MYH14: variants seen among roughly 807,000 people sequenced by gnomAD.
MYH14 encodes the protein myosin heavy chain 14.
MYH14 carries 123 observed loss-of-function variants against 255.5 expected under a neutral mutation model. That is an observed-to-expected ratio of 0.48 (90% CI 0.42 to 0.56). The LOEUF (loss-of-function observed/expected upper bound fraction) is 0.56, where lower values mean the gene tolerates loss of function less well. Ranked by LOEUF, MYH14 falls within the 20% of genes least tolerant of loss-of-function variation. MYH14 has a pLI of 0.00. For synonymous variants in MYH14, 1,095 were observed against 1,161.2 expected (o/e 0.94, Z 1.16); for missense variants, 2,423 against 2,802.3 (o/e 0.86, Z 3.06).
At chr19:50,249,942 G>A (rs2034300478) in intron 14 of MYH14, 119 bp downstream of exon 14, 1 of 1,295,590 alleles carries the variant, frequency 7.7e-7, no homozygotes, top group Admixed American at 2.1e-5. Flanking sequence ...TGGGTTCTGT[G>A]GGGAAGGTGA....
In MYH14 at chr19:50,263,358, C is replaced by A. The variant is rs2034958834; in HGVS notation, c.2632C>A (p.Gln878Lys). 6.3e-7 allele frequency: 1 copy of A among 1,598,832 alleles called. No individual in the cohort carries two copies. Among genetic ancestry groups the A allele is most frequent in the East Asian group, 2.3e-5 (1 of 44,116 alleles). Reference sequence around the variant, plus strand: ...GCAGCAGAGCGCCCTGAGGGTGATGCAGCGGAACTGCGCGGCCTACCTCAA... The same window carrying A: ...GCAGCAGAGCGCCCTGAGGGTGATGAAGCGGAACTGCGCGGCCTACCTCAA... Reference protein sequence around the residue: ...QQQQSALRVMQRNCAAYLKLR... With the variant: ...QQQQSALRVMKRNCAAYLKLR... Residue 878 changes from glutamine to lysine, a missense_variant, in exon 22 of 43, where the codon CAG becomes AAG. This residue lies in a region of MYH14 where 1,513 missense variants were observed against 1,674.8 expected (regional missense o/e 0.90). Transcript: ENST00000642316.
intron 33 of MYH14, among the ~76,000 whole-genome samples, chr19:50,282,078 T>C (rs2035744657): frequency 6.6e-6 from 1 of 152,222 alleles, no homozygotes; most frequent in African/African-American, 2.4e-5. Context: ...CTTTCAGAGC[T>C]GCCCTGGTTT....
intron 12 of MYH14, among the ~76,000 whole-genome samples, chr19:50,248,072 A>G (rs1363161548): frequency 1.3e-5 from 2 of 151,646 alleles, no homozygotes; most frequent in South Asian, 2.1e-4. Context: ...AAAAAAAAAA[A>G]AAAAGAAAAG....
chr19:50,240,496 C>T (rs1250593819), intron 10 of MYH14, among the ~76,000 whole-genome samples: 1 of 152,118 alleles, frequency 6.6e-6, no homozygotes, highest in Non-Finnish European at 1.5e-5. Context: ...GAGAGGATCG[C>T]TTGAGCCCAG....
chr19:50,268,983 T>G (rs1257871014), intron 24 of MYH14, among the ~76,000 whole-genome samples: 1 of 152,210 alleles, frequency 6.6e-6, no homozygotes. Context: ...AAATACTTGA[T>G]CTGTATTTCT....
At chr19:50,242,098 G>C (rs1172270745) in intron 10 of MYH14, among the ~76,000 whole-genome samples, 1 of 152,208 alleles carries the variant, frequency 6.6e-6, no homozygotes, top group African/African-American at 2.4e-5. Context: ...AGCCATGTGG[G>C]CTGTAGAAAC....
intron 27 of MYH14, 75 bp from the exon 28 acceptor site, chr19:50,275,916 C>A: frequency 8.3e-7 from 1 of 1,198,624 alleles, no homozygotes; most frequent in Non-Finnish European, 1.2e-6. Context: ...CCACATCCAG[C>A]CTCTCAGTCC....
In MYH14 at chr19:50,309,729, C is replaced by A; in HGVS notation, c.6050C>A (p.Ala2017Glu). Residue 2017 changes from alanine (A) to glutamate (E), a missense_variant, in exon 43 of 43, where the codon GCA (alanine) becomes GAA (glutamate). Transcript: ENST00000642316. ...GCATCCGACGAGGAGGCAGAGGAAG[C>A]ACAGCCTGGGTCTGGGCCATCCCCG... The part of the protein sequence containing the change: ...GVASDEEAEE[A>E]QPGSGPSPEP... 1 of 1,600,128 alleles carries A rather than the reference C, an allele frequency of 6.2e-7. No individual in the cohort carries two copies. The highest frequency in any genetic ancestry group is 2.3e-5 in the East Asian group (1 of 44,070).
In MYH14 at chr19:50,250,454, GC is replaced by G; in HGVS notation, c.1657-59del. 6.5e-7 allele frequency: 1 copy of G among 1,531,284 alleles called. No homozygotes were observed. The highest frequency in any genetic ancestry group is 1.2e-5 in the South Asian group (1 of 85,076). 94.9% of individuals were successfully genotyped at this position (1,531,284 alleles called of 1,614,324 possible). A position where few individuals can be genotyped will look rare whatever the true frequency, so the allele number is the denominator to read the frequency against. The stretch of plus-strand genomic sequence containing the variant: ...GACTTATAAGAGCTAAAAATCAGCA[GC>G]CACCTGAGTGTCCAATATGTGGGGA... On this transcript the variant is annotated intron_variant, in intron 14 of 42. Transcript: ENST00000642316. The surrounding 1 kb of genome is among the most constrained non-coding windows in gnomAD (Gnocchi z 5.4).
chr19:50,249,038 C>T lies in MYH14; in HGVS notation c.1381C>T (p.Arg461Cys), dbSNP rs752732851. 3.4e-5 allele frequency: 55 copies of T among 1,613,252 alleles called. No individual in the cohort carries two copies. The highest frequency in any genetic ancestry group is 2.6e-4 in the South Asian group (24 of 90,910). ...CAAGGCCACCTACGAGCGCCTCTTC[C>T]GCTGGCTGGTTCTGCGCCTCAACCG... ...LAKATYERLF[R>C]WLVLRLNRAL... The change falls in exon 13 of 43, where the codon CGC becomes TGC. Residue 461 changes from arginine (R) to cysteine (C), a missense_variant. Arg to Cys is a radical substitution (Grantham distance 180). Coordinates refer to ENST00000642316, the MANE Select transcript of MYH14 (RefSeq NM_001145809.2).
rs1163082726 is a variant in MYH14, at chr19:50,247,087, C to T, written c.1294C>T (p.Arg432Ter). 2 of 1,613,280 alleles carry T rather than the reference C, an allele frequency of 1.2e-6. No homozygotes were observed. Among genetic ancestry groups the T allele is most frequent in the Admixed American group, 1.7e-5 (1 of 59,898 alleles). The change falls in exon 12 of 43, where the codon CGA becomes TGA. Residue 432 changes from arginine (R) to a stop codon, truncating the protein, a stop_gained. Transcript: ENST00000642316. LOFTEE classifies it high-confidence loss of function. ...GCTCACCCCTCGCATCAAAGTTGGC[C>T]GAGACTATGTGCAGAAAGCCCAGAC... Reference protein sequence around the residue: ...ALLTPRIKVGRDYVQKAQTKE... With the variant: ...ALLTPRIKVG
In MYH14 at chr19:50,226,958, T is replaced by G; in HGVS notation, c.866T>G (p.Ile289Ser). 1 of 1,613,674 alleles carries G rather than the reference T, an allele frequency of 6.2e-7. No individual in the cohort carries two copies. The highest frequency in any genetic ancestry group is 8.5e-7 in the Non-Finnish European group (1 of 1,179,776). Residue 289 changes from isoleucine to serine, a missense_variant, in exon 8 of 43, where the codon ATT becomes AGT. This residue lies in a region of MYH14 where 672 missense variants were observed against 881.8 expected (regional missense o/e 0.76). Transcript: ENST00000642316. ...GCCGGGTACATCGTGGGCGCCAACA[T>G]TGAGACCTGTATCCTCTCACAGCCC... ...DVAGYIVGANIETYLLEKSRA... is the reference protein window; with the variant it reads ...DVAGYIVGANSETYLLEKSRA...
At chr19:50,244,547 G>T (rs2034023933) in intron 11 of MYH14, among the ~76,000 whole-genome samples, 1 of 142,312 alleles carries the variant, frequency 7.0e-6, no homozygotes, top group Non-Finnish European at 1.5e-5. Context: ...GCAGTGGCGT[G>T]ATCTCAGCTC....
chr19:50,258,712 ACT>A (rs1342588453), intron 18 of MYH14: 1 of 117,282 alleles, frequency 8.5e-6, no homozygotes, highest in African/African-American at 3.7e-5. Flanking sequence ...ACAGAGCAAG[ACT>A]CTGTCTCAAA....
intron 3 of MYH14, among the ~76,000 whole-genome samples, chr19:50,218,824 A>T (rs1160150289): frequency 6.6e-6 from 1 of 151,528 alleles, no homozygotes; most frequent in Non-Finnish European, 1.5e-5. Context: ...GCATCCTCAG[A>T]ACTTAGCTCC....
chr19:50,246,645 C>CAAAACAAAACAAACA (rs2034138833), intron 11 of MYH14, among the ~76,000 whole-genome samples: 1 of 53,942 alleles, frequency 1.9e-5, no homozygotes, highest in African/African-American at 9.1e-5. Flanking sequence ...ACAAAACAAA[C>CAAAACAAAACAAACA]AAAAAAACCA....
At chr19:50,209,021 G>T (rs1170616660) in intron 1 of MYH14, among the ~76,000 whole-genome samples, 1 of 152,094 alleles carries the variant, frequency 6.6e-6, no homozygotes, top group East Asian at 1.9e-4. Flanking sequence ...AGGCATGGTG[G>T]CATGCCTGTT....
chr19:50,298,998 G>A (rs762409514), intron 39 of MYH14, among the ~76,000 whole-genome samples: 7 of 152,014 alleles, frequency 4.6e-5, no homozygotes, highest in East Asian at 1.9e-4. Context: ...GGCTGAGGCC[G>A]GAGAATCGCT....
chr19:50,219,268 T>C (rs1415306447), intron 3 of MYH14, among the ~76,000 whole-genome samples: 2 of 151,736 alleles, frequency 1.3e-5, no homozygotes, highest in Non-Finnish European at 2.9e-5. Context: ...GTCTTTTTCA[T>C]ATAATAGCTT....
Sources: allele counts gnomAD v4.1 joint callset (sites outside exome capture counted in the v4.1 genomes callset), GRCh38; gene constraint gnomAD v4.1.1; regional missense constraint gnomAD v4.1.1; non-coding constraint Gnocchi (gnomAD v3.1); transcripts MANE v1.5; gene names NCBI Gene and HGNC (gene_info 2026-07-23, HGNC 2026-07-21).